NXPH2: variants seen among roughly 807,000 people sequenced by gnomAD.
The protein encoded by NXPH2 is neurexophilin 2, also known as neurexophilin-2.
Under a neutral mutation model 19.8 loss-of-function variants are expected in NXPH2, and 5 were observed. The observed-to-expected ratio is 0.25, with a 90% CI of 0.13 to 0.53. NXPH2 has a LOEUF of 0.53. Among genes scored for constraint, NXPH2 ranks in the 20% least tolerant of loss-of-function variants. The pLI is 0.96. For synonymous variants in NXPH2, 154 were observed against 127.4 expected (o/e 1.21, Z -1.41); for missense variants, 289 against 322.8 (o/e 0.90, Z 0.80).
At chr2:138,711,369 G>GA (rs1210359418) in intron 1 of NXPH2, among the ~76,000 whole-genome samples, 3 of 151,764 alleles carry the variant, frequency 2.0e-5, no homozygotes, top group Admixed American at 6.6e-5. Flanking sequence ...TTGATCTCCT[G>GA]ACCTCAAGCA....
chr2:138,774,542 A>G (rs546863140), intron 1 of NXPH2, among the ~76,000 whole-genome samples: 141 of 152,370 alleles, frequency 9.3e-4, no homozygotes, highest in African/African-American at 2.9e-3. Flanking sequence ...GTTACAACAT[A>G]TTAAAAAAGG....
chr2:138,686,697 C>T (rs1032082744), intron 1 of NXPH2, among the ~76,000 whole-genome samples: 1 of 152,102 alleles, frequency 6.6e-6, no homozygotes, highest in African/African-American at 2.4e-5. Flanking sequence ...GCTATCCCTC[C>T]CCACTCCTCC....
At chr2:138,711,961 T>C (rs1339312236) in intron 1 of NXPH2, among the ~76,000 whole-genome samples, 1 of 152,152 alleles carries the variant, frequency 6.6e-6, no homozygotes, top group East Asian at 1.9e-4. Context: ...CCAGTTAGCT[T>C]GGGGTGTCAC....
At chr2:138,739,816 A>G (rs1190297370) in intron 1 of NXPH2, among the ~76,000 whole-genome samples, 1 of 152,232 alleles carries the variant, frequency 6.6e-6, no homozygotes, top group Non-Finnish European at 1.5e-5. Context: ...GAAACAAAAA[A>G]TAAACATAAG....
intron 1 of NXPH2, among the ~76,000 whole-genome samples, chr2:138,718,512 C>T (rs1016933618): frequency 6.6e-6 from 1 of 152,150 alleles, no homozygotes; most frequent in East Asian, 1.9e-4. Context: ...AAGCTTGTTG[C>T]CCTCACAAGC....
At chr2:138,674,739 A>G (rs934610010) in intron 1 of NXPH2, among the ~76,000 whole-genome samples, 1 of 152,246 alleles carries the variant, frequency 6.6e-6, no homozygotes, top group African/African-American at 2.4e-5. Context: ...CTCTCCAGAA[A>G]GAGGGCCAAG....
intron 1 of NXPH2, among the ~76,000 whole-genome samples, chr2:138,749,778 C>T (rs1023784484): frequency 2.6e-5 from 4 of 152,116 alleles, no homozygotes; most frequent in Non-Finnish European, 5.9e-5. Flanking sequence ...AAAAACACCA[C>T]AACCTAGATT....
At chr2:138,777,349 C>A (rs183001087) in intron 1 of NXPH2, among the ~76,000 whole-genome samples, 2 of 151,966 alleles carry the variant, frequency 1.3e-5, no homozygotes, top group Non-Finnish European at 2.9e-5. Context: ...GGAATATGTT[C>A]AAGATGGATA....
intron 1 of NXPH2, among the ~76,000 whole-genome samples, chr2:138,754,771 C>G (rs941019067): frequency 2.6e-5 from 4 of 152,142 alleles, no homozygotes; most frequent in South Asian, 2.1e-4. Flanking sequence ...GTCAAACTGT[C>G]TTCCAAATAT....
At chr2:138,751,781 T>C (rs1681833704) in intron 1 of NXPH2, among the ~76,000 whole-genome samples, 1 of 152,146 alleles carries the variant, frequency 6.6e-6, no homozygotes, top group Non-Finnish European at 1.5e-5. Context: ...GTTTAGATTT[T>C]TTAAAATTAA....
intron 1 of NXPH2, among the ~76,000 whole-genome samples, chr2:138,688,157 C>T (rs1680690105): frequency 6.6e-6 from 1 of 152,102 alleles, no homozygotes; most frequent in Admixed American, 6.5e-5. Context: ...GATATTGATT[C>T]TTCCTATCCA....
intron 1 of NXPH2, among the ~76,000 whole-genome samples, chr2:138,768,893 C>A (rs1171503364): frequency 1.3e-5 from 2 of 152,174 alleles, no homozygotes; most frequent in Non-Finnish European, 2.9e-5. Flanking sequence ...ATTAGCTTGT[C>A]CAAGATGCCA....
chr2:138,753,033 T>C (rs1039550716), intron 1 of NXPH2, among the ~76,000 whole-genome samples: 3 of 152,196 alleles, frequency 2.0e-5, no homozygotes, highest in African/African-American at 7.2e-5. Context: ...TTTCCCCTTT[T>C]CATACGGTAT....
At position 138,669,559 on chromosome 2, in the gene NXPH2, T is replaced by A. The variant is rs1680383935; in HGVS notation, c.*1363A>T. Among the ~76,000 whole-genome samples the A allele has an allele frequency of 6.6e-6, 1 of 152,202 alleles. No individual in the cohort carries two copies. The highest frequency in any genetic ancestry group is 1.5e-5 in the Non-Finnish European group (1 of 68,020). On this transcript the variant is annotated 3_prime_UTR_variant, in exon 2 of 2. Coordinates refer to ENST00000272641, the MANE Select transcript of NXPH2 (RefSeq NM_007226.3). The stretch of plus-strand genomic sequence containing the variant: ...TTGTTTAGGACTTCTCTTCCTTTAG[T>A]CCTCAATTTAATGTTTTACTTTAAT...
At chr2:138,671,738 C>T (rs908156170) in intron 1 of NXPH2, 73 bp from the exon 2 acceptor site, 6 of 1,417,620 alleles carry the variant, frequency 4.2e-6, no homozygotes, top group Non-Finnish European at 3.8e-6. Flanking sequence ...GAAGTCAAAG[C>T]GCAAGGGAAA....
chr2:138,724,849 A>G (rs1042190155), intron 1 of NXPH2, among the ~76,000 whole-genome samples: 3 of 152,244 alleles, frequency 2.0e-5, no homozygotes, highest in African/African-American at 4.8e-5. Flanking sequence ...TTTATGCTCC[A>G]TGCTCTCTTT....
At chr2:138,761,413 G>A (rs773802804) in intron 1 of NXPH2, among the ~76,000 whole-genome samples, 3 of 152,168 alleles carry the variant, frequency 2.0e-5, no homozygotes, top group Non-Finnish European at 4.4e-5. Flanking sequence ...CATACTCCTA[G>A]TCACATTTAT....
chr2:138,754,893 G>T (rs541379483), intron 1 of NXPH2, among the ~76,000 whole-genome samples: 2 of 152,140 alleles, frequency 1.3e-5, no homozygotes, highest in African/African-American at 4.8e-5. Flanking sequence ...GTTAGATTTT[G>T]GTGGATTTTA....
chr2:138,719,191 G>A (rs1681239914), intron 1 of NXPH2, among the ~76,000 whole-genome samples: 2 of 152,174 alleles, frequency 1.3e-5, no homozygotes, highest in Middle Eastern at 3.4e-3. Context: ...TGGAAAGAAT[G>A]AGATATGTCT....
Sources: allele counts gnomAD v4.1 joint callset (sites outside exome capture counted in the v4.1 genomes callset), GRCh38; gene constraint gnomAD v4.1.1; transcripts MANE v1.5; gene names NCBI Gene and HGNC (gene_info 2026-07-23, HGNC 2026-07-21).